Variants in GET1 observed in about 807,000 individuals in gnomAD.
GET1 encodes the protein congenital heart disease 5 protein.
Under a neutral mutation model 22.6 loss-of-function variants are expected in GET1, and 20 were observed. The observed-to-expected ratio is 0.89, with a 90% CI of 0.62 to 1.29. The LOEUF is 1.29. Ranked by LOEUF, GET1 falls within the 50% of genes most tolerant of loss-of-function variation. The probability of loss-of-function intolerance (pLI) is 0.00; values close to 1 mark genes in which losing one functional copy is unlikely to be tolerated. For missense variants in GET1, 209 were observed against 219.9 expected, an observed-to-expected ratio of 0.95 and a Z score of 0.31; for synonymous variants, 92 against 83.8, an observed-to-expected ratio of 1.10 and a Z score of -0.53.
chr21:39,407,883 T>C (rs1324113149), downstream of GET1: 1 of 152,260 alleles, frequency 6.6e-6, no homozygotes, highest in Non-Finnish European at 1.5e-5. Flanking sequence ...ACGATCAGTT[T>C]CCACCAAACT....
At chr21:39,385,203 C>A (rs1430454314) in intron 1 of GET1, among the ~76,000 whole-genome samples, 2 of 152,140 alleles carry the variant, frequency 1.3e-5, no homozygotes, top group Non-Finnish European at 2.9e-5. Flanking sequence ...TAGATTATAA[C>A]CTCCGTTGGG....
At chr21:39,412,751 C>T (rs894444781) in intron 1 of GET1, among the ~76,000 whole-genome samples, 14 of 152,146 alleles carry the variant, frequency 9.2e-5, no homozygotes, top group African/African-American at 2.7e-4. Flanking sequence ...GAGGCCTTGG[C>T]GTGGTCCAGG....
At position 39,393,182 on chromosome 21, in the gene GET1, C is replaced by T. The variant is rs2038420101; in HGVS notation, c.353C>T (p.Ser118Leu). 6.2e-7 allele frequency: 1 copy of T among 1,614,212 alleles called. No individual in the cohort carries two copies. Among genetic ancestry groups the T allele is most frequent in the Non-Finnish European group, 8.5e-7 (1 of 1,180,026 alleles). The change falls in exon 4 of 5, where the codon TCA becomes TTA. Residue 118 changes from serine to leucine, a missense_variant. Physicochemically the swap from Ser to Leu is moderately radical, Grantham distance 145. Coordinates refer to ENST00000649170, the MANE Select transcript of GET1 (RefSeq NM_004627.6). ...FYVLQAALMI[S>L]LIWKYYSVPV... is the part of the protein sequence containing the mutation. Reference sequence around the variant, plus strand: ...TCTTTACAGGCTGCCCTGATGATCTCACTCATTTGGAAGTATTATTCTGTC... The same window carrying T: ...TCTTTACAGGCTGCCCTGATGATCTTACTCATTTGGAAGTATTATTCTGTC...
Position 39,384,247 on chromosome 21 carries a change from G to GTTATTA in GET1, c.102+3779_102+3784dup, listed in dbSNP as rs561748949. 3.3e-5 allele frequency among the ~76,000 whole-genome samples: 5 copies of GTTATTA among 151,086 alleles called. No homozygotes were observed. The East Asian group carries it at 5.9e-4, about 18-fold the overall frequency. ...TTGTTGTTGAGTTCCTTTTGTTGTT[G>GTTATTA]TTATTATTATTATTATTATTATTTT... On this transcript the variant is annotated intron_variant, in intron 1 of 4. Transcript: ENST00000649170.
intron 1 of GET1, among the ~76,000 whole-genome samples, chr21:39,417,682 G>C (rs1256957950): frequency 2.6e-5 from 4 of 152,166 alleles, no homozygotes; most frequent in African/African-American, 9.7e-5. Context: ...AGACAAAGGA[G>C]GAGCAAAAGG....
intron 4 of GET1, among the ~76,000 whole-genome samples, chr21:39,394,149 G>T (rs1388585327): frequency 6.6e-6 from 1 of 151,956 alleles, no homozygotes; most frequent in Non-Finnish European, 1.5e-5. Flanking sequence ...GGCCAACATG[G>T]TGAAACCCTA....
At chr21:39,387,025 A>G (rs1246149744) in intron 1 of GET1, among the ~76,000 whole-genome samples, 2 of 151,976 alleles carry the variant, frequency 1.3e-5, no homozygotes, top group Non-Finnish European at 2.9e-5. Flanking sequence ...ACACCTGACT[A>G]ATTTTTAATT....
chr21:39,387,866 A>G (rs544302697), intron 1 of GET1: 1 of 890,442 alleles, frequency 1.1e-6, no homozygotes, highest in Non-Finnish European at 1.3e-6. Flanking sequence ...GTAAGCTGGA[A>G]GGGGGAGGGG....
chr21:39,393,539 G>A (rs1345242063), intron 4 of GET1, among the ~76,000 whole-genome samples: 2 of 152,126 alleles, frequency 1.3e-5, no homozygotes, highest in African/African-American at 4.8e-5. Flanking sequence ...TGCCCAATAC[G>A]TCAAGTCTGA....
rs182414610 is a variant in GET1, at chr21:39,382,768, C to G, written c.102+2282C>G. Among the ~76,000 whole-genome samples, 236 of 152,122 alleles carry G rather than the reference C, an allele frequency of 1.6e-3. 1 individual carries two copies. The highest frequency in any genetic ancestry group is 2.5e-4 in the Non-Finnish European group (17 of 67,996). Reference sequence around the variant, plus strand: ...GCTTTCAGTTTTTCTGGACATATACCCAGCAGTGGAATTCCTGAATCTATG... The same window carrying G: ...GCTTTCAGTTTTTCTGGACATATACGCAGCAGTGGAATTCCTGAATCTATG... On this transcript the variant is annotated intron_variant, in intron 1 of 4. Transcript: ENST00000649170.
At chr21:39,406,780 A>G (rs1036639384), downstream of GET1, 14 of 557,980 alleles carry the variant, frequency 2.5e-5, no homozygotes, top group Admixed American at 7.1e-5. Flanking sequence ...AGGTGCTATT[A>G]ACAAATGTGT....
chr21:39,423,346 T>G (rs200966361), intron 1 of GET1: 2 of 1,612,896 alleles, frequency 1.2e-6, no homozygotes, highest in African/African-American at 2.7e-5. Context: ...AGCTAATTCA[T>G]TTTTTAGTCC....
At chr21:39,401,743 TTG>T (rs139203877), downstream of GET1, among the ~76,000 whole-genome samples, 1 of 152,142 alleles carries the variant, frequency 6.6e-6, no homozygotes, top group African/African-American at 2.4e-5. Context: ...TGTGCTCACT[TTG>T]TGTGTGTGTG....
At chr21:39,397,919 T>G (rs1297100483), downstream of GET1, 6 of 152,322 alleles carry the variant, frequency 3.9e-5, no homozygotes, top group African/African-American at 1.4e-4. Context: ...TGTACTCTTT[T>G]GTTTCCTAAT....
chr21:39,414,057 C>T (rs2040588311), intron 1 of GET1: 2 of 152,234 alleles, frequency 1.3e-5, no homozygotes, highest in African/African-American at 4.8e-5. Context: ...CTGTTTGGAA[C>T]ACAACCCGGG....
chr21:39,413,104 T>C (rs573399833), intron 1 of GET1, among the ~76,000 whole-genome samples: 1 of 150,884 alleles, frequency 6.6e-6, no homozygotes, highest in South Asian at 2.1e-4. Flanking sequence ...AGGCCAGGAG[T>C]TTTAGCAGCC....
At chr21:39,387,023 C>G (rs1448742008) in intron 1 of GET1, among the ~76,000 whole-genome samples, 1 of 152,018 alleles carries the variant, frequency 6.6e-6, no homozygotes, top group African/African-American at 2.4e-5. Context: ...CCACACCTGA[C>G]TAATTTTTAA....
chr21:39,400,175 T>A (rs567428760), downstream of GET1, among the ~76,000 whole-genome samples: 16 of 151,008 alleles, frequency 1.1e-4, no homozygotes, highest in African/African-American at 3.9e-4. Context: ...TGTGTGTGTG[T>A]GTGTGCACGC....
chr21:39,391,563 T>C, intron 2 of GET1: 1 of 493,122 alleles, frequency 2.0e-6, no homozygotes, highest in South Asian at 2.2e-5. Context: ...CAAATCTCAA[T>C]CTGAGTCGGA....
Sources: allele counts gnomAD v4.1 joint callset (sites outside exome capture counted in the v4.1 genomes callset), GRCh38; gene constraint gnomAD v4.1.1; transcripts MANE v1.5; gene names NCBI Gene and HGNC (gene_info 2026-07-23, HGNC 2026-07-21).